The following MAGI3 variants were observed in gnomAD, a reference collection of about 807,000 sequenced individuals.
MAGI3 encodes membrane-associated guanylate kinase, WW and PDZ domain-containing protein 3.
Under a neutral mutation model 121.8 loss-of-function variants are expected in MAGI3, and 43 were observed. The observed-to-expected ratio is 0.35, with a 90% CI of 0.28 to 0.46. The LOEUF (loss-of-function observed/expected upper bound fraction) is 0.46, where lower values mean the gene tolerates loss of function less well. Ranked by LOEUF, MAGI3 falls within the 20% of genes least tolerant of loss-of-function variation. The pLI is 1.00. For missense variants in MAGI3, 1,547 were observed against 1,797.3 expected (o/e 0.86, Z 2.52); for synonymous variants, 553 against 639.3 (o/e 0.86, Z 2.04).
chr1:113,575,425 T>C (rs559507805), intron 2 of MAGI3, among the ~76,000 whole-genome samples: 3 of 152,352 alleles, frequency 2.0e-5, no homozygotes, highest in East Asian at 3.9e-4. Flanking sequence ...TGTTTGTTAG[T>C]TTCCCTTCTA....
At chr1:113,621,174 C>A (rs1650796196) in intron 8 of MAGI3, among the ~76,000 whole-genome samples, 1 of 152,068 alleles carries the variant, frequency 6.6e-6, no homozygotes, top group Admixed American at 6.6e-5. Context: ...GTAGAAGGAA[C>A]AGAATGTTTA....
chr1:113,464,483 T>C (rs1295068237), intron 1 of MAGI3, among the ~76,000 whole-genome samples: 1 of 152,156 alleles, frequency 6.6e-6, no homozygotes, highest in Non-Finnish European at 1.5e-5. Flanking sequence ...ATCTTTGATA[T>C]ATTGGTTTAC....
At chr1:113,420,280 A>C (rs1652672000) in intron 1 of MAGI3, among the ~76,000 whole-genome samples, 1 of 152,218 alleles carries the variant, frequency 6.6e-6, no homozygotes, top group Non-Finnish European at 1.5e-5. Context: ...TTCTCTATGC[A>C]TAGCTCAGTG....
At chr1:113,676,053 A>ATC (rs375093476) in intron 19 of MAGI3, among the ~76,000 whole-genome samples, 6 of 136,840 alleles carry the variant, frequency 4.4e-5, no homozygotes, top group Non-Finnish European at 6.3e-5. Flanking sequence ...TCTCTCTCTC[A>ATC]TCTCTCTCTC....
At chr1:113,594,207 A>C (rs1405702193) in intron 5 of MAGI3, among the ~76,000 whole-genome samples, 2 of 152,220 alleles carry the variant, frequency 1.3e-5, no homozygotes, top group East Asian at 3.8e-4. Context: ...TTAACTGCTT[A>C]AATAGTGTCT....
chr1:113,681,321 T>C lies in MAGI3; in HGVS notation c.3313T>C (p.Leu1105=). 6.2e-7 allele frequency: 1 copy of C among 1,613,988 alleles called. No homozygotes were observed. Among genetic ancestry groups the C allele is most frequent in the Non-Finnish European group, 8.5e-7 (1 of 1,179,970 alleles). The change falls in exon 20 of 21, where the codon TTG becomes CTG. Residue 1105 remains leucine, a synonymous_variant. Coordinates refer to ENST00000307546, the MANE Select transcript of MAGI3 (RefSeq NM_001142782.2). ...TCTTCTTTTGAGGCCAGGAACTGGC[T>C]TGATACCTGACCATGGTAAGTAAAG... ...VLLLLRPGTG[L]IPDHGDWDIN... is the part of the protein sequence containing the mutation.
In MAGI3 at chr1:113,614,593, A is replaced by G. The variant is rs1217910971; in HGVS notation, c.1019-8A>G. ...TCTGGCATTTCACTCAATTTTCTTT[A>G]TTTACAGAGCTTCCTTATGGCTGGG... On this transcript the variant is annotated splice_region_variant and splice_polypyrimidine_tract_variant and intron_variant, in intron 6 of 20. Coordinates refer to ENST00000307546, the MANE Select transcript of MAGI3 (RefSeq NM_001142782.2). The G allele has an allele frequency of 6.2e-7, 1 of 1,604,266 alleles. No homozygotes were observed.
chr1:113,557,340 G>T (rs1488305828), intron 2 of MAGI3, among the ~76,000 whole-genome samples: 1 of 151,614 alleles, frequency 6.6e-6, no homozygotes, highest in African/African-American at 2.4e-5. Flanking sequence ...GCTGCCACCT[G>T]GGTTGGATGG....
In MAGI3 at chr1:113,390,545, C is replaced by G. The variant is rs548568205; in HGVS notation, c.-489C>G. 3.9e-5 allele frequency among the ~76,000 whole-genome samples: 6 copies of G among 152,248 alleles called. No homozygotes were observed. In the South Asian group the frequency reaches 1.0e-3, roughly 26 times the overall value. The stretch of plus-strand genomic sequence containing the variant: ...CCTGGCAGCTTGGGCAGGCGTTGGT[C>G]TCCGCGCTACAGCTCCGCAGCGGCC... On this transcript the variant is annotated 5_prime_UTR_variant, in exon 1 of 21. Transcript: ENST00000307546.
At chr1:113,488,403 C>T (rs545449670) in intron 1 of MAGI3, among the ~76,000 whole-genome samples, 3 of 152,346 alleles carry the variant, frequency 2.0e-5, no homozygotes, top group Admixed American at 2.0e-4. Flanking sequence ...GAGGCAGGTC[C>T]AACCTGAGCG....
Position 113,493,014 on chromosome 1 carries a change from A to T in MAGI3, c.317-56501A>T, listed in dbSNP as rs145023458. On this transcript the variant is annotated intron_variant, in intron 1 of 20. Coordinates refer to ENST00000307546, the MANE Select transcript of MAGI3 (RefSeq NM_001142782.2). ...CTATTCCTGTTATACTACCATTTAC[A>T]TTTTTCACAGAACTAGAAAAAACTA... Among the ~76,000 whole-genome samples, 105 of 152,258 alleles carry T rather than the reference A, an allele frequency of 6.9e-4. 2 individuals are homozygous for T. The East Asian group carries it at 0.013, about 18-fold the overall frequency.
intron 1 of MAGI3, among the ~76,000 whole-genome samples, chr1:113,486,738 ACCT>A (rs879477681): frequency 4.7e-5 from 7 of 148,300 alleles, no homozygotes; most frequent in Admixed American, 2.1e-4. Context: ...TATAAACCTG[ACCT>A]CCTGGGCTTG....
intron 1 of MAGI3, among the ~76,000 whole-genome samples, chr1:113,409,469 C>T (rs754488247): frequency 2.1e-4 from 32 of 151,678 alleles, no homozygotes; most frequent in Non-Finnish European, 3.7e-4. Context: ...ATGGTGAGAC[C>T]CTGTCTCTAC....
chr1:113,587,170 G>T (rs1648419109), intron 4 of MAGI3, among the ~76,000 whole-genome samples: 1 of 148,910 alleles, frequency 6.7e-6, no homozygotes, highest in Admixed American at 6.7e-5. Flanking sequence ...TATGCTTTGT[G>T]TGTTGCTTTT....
intron 1 of MAGI3, among the ~76,000 whole-genome samples, chr1:113,496,068 T>G (rs1053246475): frequency 3.9e-5 from 6 of 152,240 alleles, no homozygotes; most frequent in Non-Finnish European, 8.8e-5. Context: ...TGTGAGCTTT[T>G]TGTTTATCTT....
At chr1:113,470,971 C>T (rs1009348989) in intron 1 of MAGI3, among the ~76,000 whole-genome samples, 1 of 152,148 alleles carries the variant, frequency 6.6e-6, no homozygotes, top group Non-Finnish European at 1.5e-5. Flanking sequence ...CTTTGAGCAT[C>T]ATATCCAAAA....
chr1:113,491,284 A>T (rs2101581952), intron 1 of MAGI3, among the ~76,000 whole-genome samples: 1 of 152,314 alleles, frequency 6.6e-6, no homozygotes, highest in East Asian at 1.9e-4. Flanking sequence ...CTCTTGGATA[A>T]ATAATGAAAT....
chr1:113,615,439 G>A (rs959252434), intron 7 of MAGI3, among the ~76,000 whole-genome samples: 3 of 152,124 alleles, frequency 2.0e-5, no homozygotes, highest in Non-Finnish European at 4.4e-5. Context: ...AGGTAGCAAA[G>A]ACAAAATGTT....
chr1:113,598,496 C>T (rs1310431073), intron 6 of MAGI3, among the ~76,000 whole-genome samples: 1 of 151,776 alleles, frequency 6.6e-6, no homozygotes, highest in Non-Finnish European at 1.5e-5. Flanking sequence ...AGATATTTCA[C>T]ACAAATGGAA....
Sources: gnomAD v4.1 joint callset for allele counts (sites outside exome capture counted in the v4.1 genomes callset) on GRCh38, gnomAD v4.1.1 for gene constraint, MANE v1.5 for transcripts, NCBI Gene and HGNC (gene_info 2026-07-23, HGNC 2026-07-21) for gene names.